Variants in PBRM1 observed in about 807,000 individuals in gnomAD.
The protein encoded by PBRM1 is polybromo 1, also known as protein polybromo-1.
A neutral mutation model predicts 194.5 loss-of-function variants in PBRM1; 27 were observed. The ratio of observed to expected loss-of-function variants is 0.14; its 90% confidence interval spans 0.10 to 0.19. The LOEUF (loss-of-function observed/expected upper bound fraction) is 0.19. Among genes scored for constraint, PBRM1 ranks in the 10% least tolerant of loss-of-function variants. The pLI is 1.00. For synonymous variants in PBRM1, 655 were observed against 693.2 expected (o/e 0.94, Z 0.87); for missense variants, 1,466 against 2,077.2 (o/e 0.71, Z 5.72).
At chr3:52,641,364 T>C (rs2153700955) in intron 10 of PBRM1, among the ~76,000 whole-genome samples, 1 of 149,548 alleles carries the variant, frequency 6.7e-6, no homozygotes, top group Non-Finnish European at 1.5e-5. Flanking sequence ...GGAGAATCAC[T>C]TGAACCCGGC....
At chr3:52,579,096 A>G in exon 21 of PBRM1, 6 of 1,614,210 alleles carry the variant, frequency 3.7e-6, no homozygotes, top group Non-Finnish European at 5.1e-6. Context: ...CTTGATGAAG[A>G]CACAGTCGCC....
At chr3:52,681,541 C>A (rs1578422718), upstream of PBRM1, among the ~76,000 whole-genome samples, 1 of 152,164 alleles carries the variant, frequency 6.6e-6, no homozygotes, top group East Asian at 1.9e-4. Context: ...AAGGACCAAT[C>A]CCTTTTAAAC....
intron 1 of PBRM1, 172 bp downstream of exon 1, chr3:52,685,577 C>T (rs2097300165): frequency 6.6e-6 from 1 of 150,910 alleles, no homozygotes; most frequent in African/African-American, 2.4e-5. Flanking sequence ...CTACTGGGCC[C>T]ATCCGGAGGC....
At chr3:52,676,610 C>T (rs938709667) in intron 2 of PBRM1, among the ~76,000 whole-genome samples, 1 of 152,118 alleles carries the variant, frequency 6.6e-6, no homozygotes, top group Non-Finnish European at 1.5e-5. Context: ...CCAACTGATA[C>T]AGTAAATTGA....
At chr3:52,579,397 G>A (rs2090512523) in intron 20 of PBRM1, among the ~76,000 whole-genome samples, 198 bp from the exon 23 acceptor site, 1 of 152,134 alleles carries the variant, frequency 6.6e-6, no homozygotes, top group Non-Finnish European at 1.5e-5. Flanking sequence ...ACCAGCTTGG[G>A]CAACATAGTG....
chr3:52,599,496 A>G (rs2093827787), intron 17 of PBRM1, among the ~76,000 whole-genome samples: 1 of 152,048 alleles, frequency 6.6e-6, no homozygotes, highest in Non-Finnish European at 1.5e-5. Flanking sequence ...CTTCAGGGAA[A>G]TGCAAATCAA....
chr3:52,678,674 A>G, intron 1 of PBRM1, 77 bp from the exon 3 acceptor site: 1 of 867,546 alleles, frequency 1.2e-6, no homozygotes, highest in Non-Finnish European at 1.9e-6. Context: ...ATTATTTTCT[A>G]CTCTTCAATA....
intron 20 of PBRM1, among the ~76,000 whole-genome samples, chr3:52,581,645 T>C (rs1391779795): frequency 2.7e-5 from 4 of 145,860 alleles, no homozygotes; most frequent in African/African-American, 5.0e-5. Flanking sequence ...AAAGTAATTC[T>C]TTTTTTTTTT....
upstream of PBRM1, chr3:52,679,790 G>A (rs1282171442): frequency 3.9e-6 from 5 of 1,294,308 alleles, no homozygotes; most frequent in Non-Finnish European, 5.4e-6. Context: ...TCTTCAGCTG[G>A]ACACCTGCTA....
Position 52,667,046 on chromosome 3 carries a change from G to A in PBRM1, c.384+1452C>T, listed in dbSNP as rs184664961. The stretch of plus-strand genomic sequence containing the variant: ...ACAGCAACGATTGCGAACAAACGCA[G>A]AGAGAATAGTGTTGGTTATACCTGT... On this transcript the variant is annotated intron_variant, in intron 3 of 29. Transcript: ENST00000296302. 6.6e-5 allele frequency among the ~76,000 whole-genome samples: 10 copies of A among 152,294 alleles called. No homozygotes were observed. The East Asian group carries it at 1.9e-3, about 29-fold the overall frequency.
chr3:52,671,648 G>C (rs1010156905), intron 2 of PBRM1, among the ~76,000 whole-genome samples: 1 of 152,194 alleles, frequency 6.6e-6, no homozygotes, highest in Non-Finnish European at 1.5e-5. Context: ...ATTGTGTCTA[G>C]AATGTGGCAA....
downstream of PBRM1, chr3:52,546,049 G>A (rs990942079): frequency 6.4e-5 from 15 of 233,112 alleles, no homozygotes; most frequent in African/African-American, 3.3e-4. Context: ...CTGGATCTAT[G>A]TTTCCTATAG....
intron 2 of PBRM1, among the ~76,000 whole-genome samples, chr3:52,670,496 G>T (rs2096924318): frequency 1.3e-5 from 2 of 152,292 alleles, no homozygotes; most frequent in East Asian, 3.9e-4. Flanking sequence ...GGATTATATT[G>T]TATGTTCTTT....
chr3:52,571,871 A>C (rs995314599), intron 22 of PBRM1, among the ~76,000 whole-genome samples: 29 of 146,582 alleles, frequency 2.0e-4, no homozygotes, highest in Admixed American at 9.5e-4. Context: ...AAAAAAAAAA[A>C]AAAAAAAAAA....
At chr3:52,634,841 A>T in intron 10 of PBRM1, 26 bp from the exon 12 acceptor site, 1 of 1,504,662 alleles carries the variant, frequency 6.6e-7, no homozygotes, top group Non-Finnish European at 9.2e-7. Flanking sequence ...AAGTATTTAT[A>T]AAGGGACGAA....
chr3:52,622,795 C>G (rs550930056), intron 13 of PBRM1, among the ~76,000 whole-genome samples: 3 of 152,284 alleles, frequency 2.0e-5, no homozygotes, highest in Non-Finnish European at 2.9e-5. Flanking sequence ...TACTTTGTGG[C>G]TGACCACTTT....
intron 2 of PBRM1, among the ~76,000 whole-genome samples, chr3:52,676,778 C>G (rs2097114209): frequency 6.6e-6 from 1 of 152,134 alleles, no homozygotes; most frequent in Non-Finnish European, 1.5e-5. Flanking sequence ...TGGCTTTGAC[C>G]AAAAGCCTGA....
Position 52,590,287 on chromosome 3 carries a change from T to A in PBRM1, c.2780-1032A>T, listed in dbSNP as rs185977883. Among the ~76,000 whole-genome samples, 686 of 151,950 alleles carry A rather than the reference T, an allele frequency of 4.5e-3. 6 individuals carry two copies. Among genetic ancestry groups the A allele is most frequent in the Non-Finnish European group, 7.7e-3 (522 of 67,952 alleles). ...CTGGCCAACATGGTGAAACCCCATC[T>A]CTACTAAAAATATTAAAAAATTAGC... On this transcript the variant is annotated intron_variant, in intron 17 of 29. Coordinates refer to ENST00000296302, the Ensembl canonical transcript of PBRM1.
chr3:52,641,471 A>T (rs1051062016), intron 10 of PBRM1, among the ~76,000 whole-genome samples: 2 of 151,114 alleles, frequency 1.3e-5, no homozygotes, highest in African/African-American at 2.4e-5. Flanking sequence ...AAAGAAAAAA[A>T]AAAGAAAGAA....
Sources: allele counts gnomAD v4.1 joint callset (sites outside exome capture counted in the v4.1 genomes callset), GRCh38; gene constraint gnomAD v4.1.1; transcripts MANE v1.5; gene names NCBI Gene and HGNC (gene_info 2026-07-23, HGNC 2026-07-21).